PI4KA: variants seen among roughly 807,000 people sequenced by gnomAD.
PI4KA encodes phosphatidylinositol 4-kinase alpha.
PI4KA carries 122 observed loss-of-function variants against 271.4 expected under a neutral mutation model. The ratio of observed to expected loss-of-function variants is 0.45; its 90% CI spans 0.39 to 0.52. PI4KA has a LOEUF of 0.52. Ranked by LOEUF, PI4KA falls within the 20% of genes least tolerant of loss-of-function variation. The probability of loss-of-function intolerance (pLI) is 0.00; values close to 1 mark genes in which losing one functional copy is unlikely to be tolerated. For missense variants in PI4KA, 1,969 were observed against 2,769.1 expected (o/e 0.71, Z 6.48); for synonymous variants, 1,041 against 1,078.8 (o/e 0.96, Z 0.69).
In PI4KA at chr22:20,721,367, G is replaced by A. The variant is rs1926716543; in HGVS notation, c.5047C>T (p.Leu1683=). ...ILWAASKSQL[L]AHQFIWNMKT... ...ATGTTCCAGATGAACTGGTGTGCCAGAAGCTGGGATTTAGACGCTGCCCAC... is the reference window on the plus strand; with the variant it reads ...ATGTTCCAGATGAACTGGTGTGCCAAAAGCTGGGATTTAGACGCTGCCCAC... The change falls in exon 43 of 55, where the codon CTG becomes TTG. Residue 1683 remains leucine, a synonymous_variant. Coordinates refer to ENST00000255882, the MANE Select transcript of PI4KA (RefSeq NM_058004.4). 2 of 1,613,898 alleles carry A rather than the reference G, an allele frequency of 1.2e-6. No individual in the cohort carries two copies. The highest frequency in any genetic ancestry group is 1.7e-5 in the Admixed American group (1 of 60,014).
chr22:20,792,291 G>A (rs1331034959), intron 19 of PI4KA, among the ~76,000 whole-genome samples: 3 of 152,196 alleles, frequency 2.0e-5, no homozygotes, highest in Non-Finnish European at 2.9e-5. Context: ...CTCAGATGGT[G>A]TGAGCAGGGG....
At chr22:20,735,775 T>C (rs1006289244) in intron 32 of PI4KA, among the ~76,000 whole-genome samples, 2 of 152,134 alleles carry the variant, frequency 1.3e-5, no homozygotes, top group African/African-American at 2.4e-5. Context: ...AAGCTGCCCA[T>C]GGGGTGAGGA....
intron 42 of PI4KA, 31 bp downstream of exon 42, chr22:20,726,457 G>A (rs1168599971): frequency 1.3e-6 from 2 of 1,525,598 alleles, no homozygotes; most frequent in Admixed American, 4.7e-5. Context: ...CTCTGTGAGT[G>A]AAGAGGACGG....
chr22:20,710,693 G>A lies in PI4KA; in HGVS notation c.6083+6C>T, dbSNP rs755422049. 2.5e-6 allele frequency: 4 copies of A among 1,614,040 alleles called. No homozygotes were observed. The highest frequency in any genetic ancestry group is 4.5e-5 in the East Asian group (2 of 44,886). ...CGCCTCCACCCTGGCCCTCACCCAGGCTCACCGCACAGCCAGGTAGCCTCG... is the reference window on the plus strand; with the variant it reads ...CGCCTCCACCCTGGCCCTCACCCAGACTCACCGCACAGCCAGGTAGCCTCG... On this transcript the variant is annotated splice_donor_region_variant and intron_variant, in intron 52 of 54. Coordinates refer to ENST00000255882, the MANE Select transcript of PI4KA (RefSeq NM_058004.4).
chr22:20,831,877 T>C (rs964121388), intron 3 of PI4KA, among the ~76,000 whole-genome samples: 32 of 152,278 alleles, frequency 2.1e-4, no homozygotes, highest in Admixed American at 9.2e-4. Context: ...TCTAGTGAGA[T>C]TGGGAAAATA....
intron 19 of PI4KA, among the ~76,000 whole-genome samples, chr22:20,769,707 A>C (rs1241328344): frequency 6.6e-6 from 1 of 152,070 alleles, no homozygotes; most frequent in Non-Finnish European, 1.5e-5. Context: ...GGAAGTGGGA[A>C]GACTGAAATA....
At chr22:20,780,335 C>G (rs1345440584) in intron 19 of PI4KA, 2 of 1,400,474 alleles carry the variant, frequency 1.4e-6, no homozygotes, top group African/African-American at 1.4e-5. Context: ...GACTCTGGAA[C>G]GGGGACAGGG....
chr22:20,742,234 T>G lies in PI4KA; in HGVS notation c.3735A>C (p.Glu1245Asp). The change falls in exon 32 of 55, where the codon GAA becomes GAC. Residue 1245 changes from glutamate (E) to aspartate (D), a missense_variant. This residue lies in a region of PI4KA where 203 missense variants were observed against 256.8 expected (regional missense o/e 0.79). Transcript: ENST00000255882. ...EWLLAGKDGV[E>D]VPFMREMAGA... ...CCCGAGGTCAGGGTCCTACCGGCACTTCCACTCCATCCTTGCCAGCCAGCA... is the reference window on the plus strand; with the variant it reads ...CCCGAGGTCAGGGTCCTACCGGCACGTCCACTCCATCCTTGCCAGCCAGCA... 6.2e-7 allele frequency: 1 copy of G among 1,614,040 alleles called. No individual in the cohort carries two copies. The highest frequency in any genetic ancestry group is 8.5e-7 in the Non-Finnish European group (1 of 1,179,978).
chr22:20,713,087 G>A, intron 48 of PI4KA, 194 bp downstream of exon 48: 2 of 697,310 alleles, frequency 2.9e-6, no homozygotes, highest in Non-Finnish European at 2.5e-6. Context: ...GCATGGCGGG[G>A]ACAGTGGGAA....
intron 1 of PI4KA, among the ~76,000 whole-genome samples, chr22:20,847,754 C>A (rs1373044292): frequency 1.1e-3 from 156 of 138,364 alleles, no homozygotes; most frequent in African/African-American, 1.5e-3. Context: ...GACCCTGTTT[C>A]AAAAAAAAAA....
Position 20,858,653 on chromosome 22 carries a change from TGGAGCC to T in PI4KA, c.67_72del (p.Gly23_Ser24del), listed in dbSNP as rs775551757. On this transcript the variant is annotated inframe_deletion, in exon 1 of 55. Transcript: ENST00000255882. ...TTGAAATAGAAGCCCCGCGAGGCGC[TGGAGCC>T]GGAGCCGGAGCAGCCGCCGCCGCCT... 1.6e-5 allele frequency: 23 copies of T among 1,483,318 alleles called. No individual in the cohort carries two copies. Among genetic ancestry groups the T allele is most frequent in the East Asian group, 1.2e-4 (4 of 34,630 alleles). 91.9% of individuals were successfully genotyped at this position (1,483,318 alleles called of 1,614,324 possible).
chr22:20,707,868 T>C lies in PI4KA; in HGVS notation c.*179A>G. On this transcript the variant is annotated 3_prime_UTR_variant, in exon 55 of 55. Transcript: ENST00000255882. ...CACCATCCATTGATTGTCGCTGCAG[T>C]CCATGGCGTTACCAAGGCTGCGCCA... 1.4e-6 allele frequency: 1 copy of C among 724,478 alleles called. No homozygotes were observed. The highest frequency in any genetic ancestry group is 2.5e-5 in the East Asian group (1 of 40,276). 44.9% of individuals were successfully genotyped at this position (724,478 alleles called of 1,614,324 possible). A position where few individuals can be genotyped will look rare whatever the true frequency, so the allele number is the denominator to read the frequency against.
intron 1 of PI4KA, among the ~76,000 whole-genome samples, chr22:20,845,672 T>C (rs1926137649): frequency 1.3e-5 from 2 of 152,196 alleles, no homozygotes; most frequent in Non-Finnish European, 2.9e-5. Flanking sequence ...CAGCACCTGA[T>C]CCTACAAGCA....
At chr22:20,829,174 A>T (rs772078483) in intron 3 of PI4KA, among the ~76,000 whole-genome samples, 17 of 152,088 alleles carry the variant, frequency 1.1e-4, no homozygotes, top group Non-Finnish European at 7.4e-5. Context: ...CTACCCTCAT[A>T]GAATTAGGGA....
chr22:20,724,000 G>A (rs1231691817), intron 42 of PI4KA, among the ~76,000 whole-genome samples: 1 of 151,574 alleles, frequency 6.6e-6, no homozygotes, highest in Non-Finnish European at 1.5e-5. Flanking sequence ...CATCACACCT[G>A]GCTAATTTTT....
chr22:20,742,486 T>C, intron 31 of PI4KA, 122 bp downstream of exon 31: 1 of 1,536,392 alleles, frequency 6.5e-7, no homozygotes, highest in South Asian at 1.2e-5. Flanking sequence ...TCATGAGAGA[T>C]ACTCCTCTAC....
At chr22:20,724,804 C>T (rs1336583699) in intron 42 of PI4KA, among the ~76,000 whole-genome samples, 1 of 151,994 alleles carries the variant, frequency 6.6e-6, no homozygotes, top group East Asian at 1.9e-4. Flanking sequence ...CTGGATCTCA[C>T]CCTTATGCTA....
chr22:20,729,954 G>C lies in PI4KA; in HGVS notation c.4346C>G (p.Thr1449Ser). The change falls in exon 37 of 55, where the codon ACC becomes AGC. Residue 1449 changes from threonine (T) to serine (S), a missense_variant. By Grantham distance (58) the Thr-to-Ser change is moderately conservative (BLOSUM62 1). Coordinates refer to ENST00000255882, the MANE Select transcript of PI4KA (RefSeq NM_058004.4). ...DITVGSRQQA[T>S]QGWINTYPLS... ...GGGGTATGTGTTGATCCAGCCTTGG[G>C]TGGCTTGTTGCCGAGAGCCGACAGT... The C allele has an allele frequency of 6.2e-7, 1 of 1,614,198 alleles. No homozygotes were observed. The highest frequency in any genetic ancestry group is 1.1e-5 in the South Asian group (1 of 91,078).
In PI4KA at chr22:20,764,848, G is replaced by C. The variant is rs1159547076; in HGVS notation, c.2677C>G (p.Leu893Val). Residue 893 changes from leucine (L) to valine (V), a missense_variant, in exon 22 of 55, where the codon CTC (leucine) becomes GTC (valine). Around this residue, in one of 13 missense-constraint regions of PI4KA, gnomAD observed 368 missense variants for 544.3 expected, o/e 0.68. Coordinates refer to ENST00000255882, the MANE Select transcript of PI4KA (RefSeq NM_058004.4). ...NKLDFAMSTY[L>V]LSVYRLEYMR... ...TACTCCAGCCGGTACACAGAGAGGA[G>C]GTAGGTGGACATGGCGAAGTCCAGC... is the stretch of plus-strand genomic sequence containing the variant. The C allele has an allele frequency of 6.2e-7, 1 of 1,613,640 alleles. No individual in the cohort carries two copies. Among genetic ancestry groups the C allele is most frequent in the Non-Finnish European group, 8.5e-7 (1 of 1,179,774 alleles).
Sources: allele counts gnomAD v4.1 joint callset (sites outside exome capture counted in the v4.1 genomes callset), GRCh38; gene constraint gnomAD v4.1.1; regional missense constraint gnomAD v4.1.1; transcripts MANE v1.5; gene names NCBI Gene and HGNC (gene_info 2026-07-23, HGNC 2026-07-21).